Variants in PLA2G4A observed in about 807,000 individuals in gnomAD.
PLA2G4A encodes phospholipase A2 group IVA, also known as cytosolic phospholipase A2.
A neutral mutation model predicts 81.9 loss-of-function variants in PLA2G4A; 40 were observed. That is an observed-to-expected ratio of 0.49 (90% CI 0.38 to 0.64). PLA2G4A has a LOEUF of 0.64. Ranked by LOEUF, PLA2G4A falls within the 30% of genes least tolerant of loss-of-function variation. The pLI, the probability that PLA2G4A is intolerant of heterozygous loss-of-function variation, is 0.00. For synonymous variants in PLA2G4A, 302 were observed against 296.9 expected, an observed-to-expected ratio of 1.02 and a Z score of -0.18; for missense variants, 715 against 905.1, an observed-to-expected ratio of 0.79 and a Z score of 2.69.
At chr1:186,954,647 G>T (rs982277988) in intron 13 of PLA2G4A, among the ~76,000 whole-genome samples, 2 of 110,476 alleles carry the variant, frequency 1.8e-5, no homozygotes, top group South Asian at 7.4e-4. Flanking sequence ...TGGAAATTAT[G>T]AAGCTGACTA....
chr1:186,934,443 C>CACATATATATATATAT (rs372931067), intron 8 of PLA2G4A, among the ~76,000 whole-genome samples: 4 of 99,564 alleles, frequency 4.0e-5, no homozygotes, highest in Admixed American at 1.1e-4. Flanking sequence ...TAAATGTGCA[C>CACATATATATATATAT]ATATATATAT....
chr1:186,935,119 T>C (rs1415028783), intron 8 of PLA2G4A, among the ~76,000 whole-genome samples: 1 of 151,980 alleles, frequency 6.6e-6, no homozygotes, highest in African/African-American at 2.4e-5. Context: ...GAGGGAAGGA[T>C]GCTTCAAGAA....
At chr1:186,901,088 G>C (rs6695425) in intron 5 of PLA2G4A, among the ~76,000 whole-genome samples, 146,009 of 152,270 alleles carry the variant, frequency 0.96, 70,042 homozygotes, top group East Asian at 1. Flanking sequence ...AAAACAAAGA[G>C]GGCAATTTAC....
Position 186,969,645 on chromosome 1 carries a change from A to G in PLA2G4A, c.1764+4052A>G, listed in dbSNP as rs1286681447. 1.6e-4 allele frequency among the ~76,000 whole-genome samples: 25 copies of G among 151,840 alleles called. 1 individual carries two copies. The highest frequency in any genetic ancestry group is 1.6e-3 in the Admixed American group (25 of 15,202). On this transcript the variant is annotated intron_variant, in intron 15 of 17. Transcript: ENST00000367466. Reference sequence around the variant, plus strand: ...TGTTTTTAGTTCCACATGTAAGAGCATGTAATATTTGTCTTTCTGCGCCTG... The same window carrying G: ...TGTTTTTAGTTCCACATGTAAGAGCGTGTAATATTTGTCTTTCTGCGCCTG...
chr1:186,967,295 G>A lies in PLA2G4A; in HGVS notation c.1764+1702G>A, dbSNP rs1046749189. Among the ~76,000 whole-genome samples, 5 of 149,110 alleles carry A rather than the reference G, an allele frequency of 3.4e-5. No individual in the cohort carries two copies. In the East Asian group the frequency reaches 7.7e-4, roughly 23 times the overall value. On this transcript the variant is annotated intron_variant, in intron 15 of 17. Coordinates refer to ENST00000367466, the MANE Select transcript of PLA2G4A (RefSeq NM_024420.3). ...CAGACAAAGAAACAAGTATCAATGA[G>A]ATAAAATCTTATCAACAAATTAAAT...
chr1:186,977,507 A>C (rs189929517), intron 15 of PLA2G4A, 86 bp from the exon 16 acceptor site: 37 of 827,546 alleles, frequency 4.5e-5, no homozygotes, highest in South Asian at 4.3e-4. Flanking sequence ...CACAGTAGAC[A>C]CCTAGTGAAC....
chr1:186,837,979 A>G (rs1370541726), intron 1 of PLA2G4A, among the ~76,000 whole-genome samples: 1 of 152,042 alleles, frequency 6.6e-6, no homozygotes, highest in African/African-American at 2.4e-5. Context: ...TGGTGGGAAG[A>G]TGAGAAACTT....
intron 3 of PLA2G4A, 103 bp from the exon 4 acceptor site, chr1:186,892,908 C>A: frequency 1.2e-6 from 1 of 829,170 alleles, no homozygotes; most frequent in Non-Finnish European, 2.1e-6. Flanking sequence ...AAATACATCA[C>A]TACAGATTCA....
chr1:186,893,246 C>G, intron 4 of PLA2G4A, 87 bp downstream of exon 4: 1 of 1,129,742 alleles, frequency 8.9e-7, no homozygotes, highest in Non-Finnish European at 1.3e-6. Flanking sequence ...CCTTTTTGTT[C>G]CTGTTAGCTA....
chr1:186,977,508 C>T, intron 15 of PLA2G4A, 85 bp from the exon 16 acceptor site: 2 of 835,842 alleles, frequency 2.4e-6, no homozygotes, highest in South Asian at 1.4e-5. Flanking sequence ...ACAGTAGACA[C>T]CTAGTGAACA....
chr1:186,941,150 T>TG (rs1417700281), intron 10 of PLA2G4A, among the ~76,000 whole-genome samples: 20 of 151,794 alleles, frequency 1.3e-4, no homozygotes, highest in African/African-American at 3.9e-4. Flanking sequence ...AGCATACTTT[T>TG]GGGGGGGCCT....
intron 15 of PLA2G4A, among the ~76,000 whole-genome samples, chr1:186,971,868 A>G (rs1657368091): frequency 1.3e-5 from 2 of 152,114 alleles, no homozygotes; most frequent in South Asian, 4.1e-4. Flanking sequence ...GATATATGCA[A>G]TATGATTTTA....
At chr1:186,978,065 T>A (rs1041680545) in intron 16 of PLA2G4A, among the ~76,000 whole-genome samples, 5 of 152,330 alleles carry the variant, frequency 3.3e-5, no homozygotes, top group Non-Finnish European at 7.3e-5. Context: ...TTATGTTTGT[T>A]CTGATTGATT....
chr1:186,871,500 C>A (rs936859441), intron 3 of PLA2G4A, among the ~76,000 whole-genome samples: 7 of 152,068 alleles, frequency 4.6e-5, no homozygotes, highest in South Asian at 2.1e-4. Context: ...GTAGGGTTCC[C>A]AGCCCAAATG....
intron 17 of PLA2G4A, among the ~76,000 whole-genome samples, chr1:186,987,463 G>A (rs140881961): frequency 4.3e-4 from 65 of 152,298 alleles, no homozygotes; most frequent in African/African-American, 1.5e-3. Context: ...GACTTGCCTC[G>A]GTTTCCTGAT....
chr1:186,956,434 A>G, intron 14 of PLA2G4A, 90 bp downstream of exon 14: 1 of 1,152,064 alleles, frequency 8.7e-7, no homozygotes, highest in East Asian at 2.3e-5. Flanking sequence ...ATTAACACTT[A>G]CTCATTTATT....
chr1:186,972,917 G>A (rs1228741508), intron 15 of PLA2G4A, among the ~76,000 whole-genome samples: 1 of 152,126 alleles, frequency 6.6e-6, no homozygotes, highest in Non-Finnish European at 1.5e-5. Context: ...TTTATTTGTT[G>A]AAACGAGGGC....
intron 2 of PLA2G4A, among the ~76,000 whole-genome samples, chr1:186,859,544 C>T (rs1158603928): frequency 6.6e-6 from 1 of 152,160 alleles, no homozygotes; most frequent in East Asian, 1.9e-4. Context: ...CACTGCTCCA[C>T]ATCCCACAGA....
chr1:186,951,677 T>C (rs1057299894), intron 13 of PLA2G4A, among the ~76,000 whole-genome samples: 2 of 152,216 alleles, frequency 1.3e-5, no homozygotes, highest in African/African-American at 2.4e-5. Context: ...AAAATTCTTT[T>C]TTCATAGCTG....
Sources: gnomAD v4.1 joint callset for allele counts (sites outside exome capture counted in the v4.1 genomes callset) on GRCh38, gnomAD v4.1.1 for gene constraint, MANE v1.5 for transcripts, NCBI Gene and HGNC (gene_info 2026-07-23, HGNC 2026-07-21) for gene names.